The following TMEM132D variants were observed in gnomAD, a reference collection of about 807,000 sequenced individuals.
The protein encoded by TMEM132D is mature OL transmembrane protein.
Under a neutral mutation model 62.3 loss-of-function variants are expected in TMEM132D, and 21 were observed. That is an observed-to-expected ratio of 0.34 (90% CI 0.24 to 0.49). TMEM132D has a LOEUF of 0.49. TMEM132D is among the 20% of genes least tolerant of loss of function. The pLI is 0.99. For missense variants in TMEM132D, 1,346 were observed against 1,402.8 expected (o/e 0.96, Z 0.65); for synonymous variants, 621 against 575.6 (o/e 1.08, Z -1.13).
In TMEM132D at chr12:129,700,370, G is replaced by A. The variant is rs750154716; in HGVS notation, c.408C>T (p.Asp136=). 1.9e-6 allele frequency: 3 copies of A among 1,614,074 alleles called. No individual in the cohort carries two copies. Among genetic ancestry groups the A allele is most frequent in the Non-Finnish European group, 2.5e-6 (3 of 1,180,050 alleles). The change falls in exon 2 of 9, where the codon GAC becomes GAT. Residue 136 remains aspartate, a synonymous_variant. Coordinates refer to ENST00000422113, the MANE Select transcript of TMEM132D (RefSeq NM_133448.3). ...NWKLKAHILR[D]KVYLSRPKVQ... ...CTTTGGGCCGGCTCAGGTAGACTTT[G>A]TCCCGCAGGATGTGGGCTTTTAGTT... is the stretch of plus-strand genomic sequence containing the variant.
chr12:129,424,577 G>T (rs946158868), intron 3 of TMEM132D, among the ~76,000 whole-genome samples: 28 of 151,766 alleles, frequency 1.8e-4, no homozygotes, highest in Non-Finnish European at 1.2e-4. Context: ...GCGTGGTGGT[G>T]GGCACCTGTA....
At chr12:129,769,557 G>C (rs891081214) in intron 1 of TMEM132D, among the ~76,000 whole-genome samples, 1 of 152,122 alleles carries the variant, frequency 6.6e-6, no homozygotes, top group Admixed American at 6.6e-5. Context: ...ATGTCAGAAG[G>C]TCAGGCTTTC....
intron 8 of TMEM132D, 72 bp downstream of exon 8, chr12:129,078,462 T>G: frequency 6.7e-7 from 1 of 1,493,448 alleles, no homozygotes; most frequent in Non-Finnish European, 9.1e-7. Flanking sequence ...CCGCCTGGCG[T>G]GGTGCCTGCC....
chr12:129,751,939 T>A (rs1054575351), intron 1 of TMEM132D, among the ~76,000 whole-genome samples: 3 of 152,208 alleles, frequency 2.0e-5, no homozygotes, highest in African/African-American at 7.2e-5. Context: ...TAATTAAAAC[T>A]AATCTCATCA....
At chr12:129,833,929 G>A (rs947014345) in intron 1 of TMEM132D, among the ~76,000 whole-genome samples, 3 of 152,074 alleles carry the variant, frequency 2.0e-5, no homozygotes, top group African/African-American at 7.2e-5. Context: ...TGTCGCATAT[G>A]AGCAGTACCC....
intron 4 of TMEM132D, among the ~76,000 whole-genome samples, chr12:129,292,020 C>T (rs1056632723): frequency 1.1e-4 from 16 of 152,078 alleles, no homozygotes; most frequent in African/African-American, 2.4e-4. Context: ...CCACAGCCCC[C>T]ACCACCATGG....
chr12:129,878,820 T>C (rs1874509926), intron 1 of TMEM132D, among the ~76,000 whole-genome samples: 1 of 152,124 alleles, frequency 6.6e-6, no homozygotes, highest in Non-Finnish European at 1.5e-5. Flanking sequence ...CCACCTGCCT[T>C]GGCCTCCCAA....
At chr12:129,204,879 T>C (rs2135563241) in intron 5 of TMEM132D, among the ~76,000 whole-genome samples, 1 of 152,240 alleles carries the variant, frequency 6.6e-6, no homozygotes, top group Admixed American at 6.5e-5. Context: ...TATTCAACAT[T>C]CATAAAGAAA....
At chr12:129,865,560 G>A (rs934999903) in intron 1 of TMEM132D, among the ~76,000 whole-genome samples, 39 of 152,190 alleles carry the variant, frequency 2.6e-4, no homozygotes, top group African/African-American at 8.9e-4. Flanking sequence ...GCAATGAGCA[G>A]GCATGGAGGG....
intron 3 of TMEM132D, among the ~76,000 whole-genome samples, chr12:129,398,102 A>G (rs1241204121): frequency 2.0e-5 from 3 of 152,224 alleles, no homozygotes; most frequent in Non-Finnish European, 4.4e-5. Flanking sequence ...AGGACAGGAG[A>G]CACGTTTGTG....
intron 1 of TMEM132D, among the ~76,000 whole-genome samples, chr12:129,770,269 G>C (rs11060546): frequency 0.012 from 1,803 of 147,770 alleles, 38 homozygotes; most frequent in African/African-American, 0.043. Flanking sequence ...TCAGCCTCCC[G>C]AGTAGCTGGG....
chr12:129,307,584 T>C (rs557532050), intron 4 of TMEM132D, among the ~76,000 whole-genome samples: 2 of 152,196 alleles, frequency 1.3e-5, no homozygotes, highest in African/African-American at 4.8e-5. Flanking sequence ...ACACAGGTCC[T>C]CCATACAGCT....
intron 3 of TMEM132D, among the ~76,000 whole-genome samples, chr12:129,485,272 T>G (rs1473972903): frequency 1.3e-5 from 2 of 152,178 alleles, no homozygotes. Context: ...GGGATATTTA[T>G]CCACCATCTC....
intron 4 of TMEM132D, among the ~76,000 whole-genome samples, chr12:129,250,291 A>G (rs1039605198): frequency 2.6e-5 from 4 of 152,240 alleles, no homozygotes; most frequent in Admixed American, 6.5e-5. Flanking sequence ...CAATGTATGT[A>G]TCACAATTTT....
At chr12:129,473,844 T>C (rs1463328106) in intron 3 of TMEM132D, among the ~76,000 whole-genome samples, 1 of 152,226 alleles carries the variant, frequency 6.6e-6, no homozygotes, top group Non-Finnish European at 1.5e-5. Context: ...TTTATTCACA[T>C]GCCTAGCAAA....
intron 3 of TMEM132D, among the ~76,000 whole-genome samples, chr12:129,525,734 C>A (rs766111618): frequency 3.9e-5 from 6 of 152,110 alleles, no homozygotes; most frequent in African/African-American, 1.4e-4. Context: ...GACATCACTG[C>A]GACGCACAGC....
Position 129,295,180 on chromosome 12 carries a change from A to G in TMEM132D, c.1299+42454T>C, listed in dbSNP as rs142143386. Among the ~76,000 whole-genome samples, 712 of 152,286 alleles carry G rather than the reference A, an allele frequency of 4.7e-3. 1 individual carries two copies. The highest frequency in any genetic ancestry group is 0.016 in the African/African-American group (684 of 41,554). The stretch of plus-strand genomic sequence containing the variant: ...ACACTGATTCTTTGTAGTTCCACAG[A>G]AGACGACCACTACGGAACACTGCTG... On this transcript the variant is annotated intron_variant, in intron 4 of 8. Coordinates refer to ENST00000422113, the MANE Select transcript of TMEM132D (RefSeq NM_133448.3).
chr12:129,839,518 C>A (rs181144532), intron 1 of TMEM132D, among the ~76,000 whole-genome samples: 2 of 152,116 alleles, frequency 1.3e-5, no homozygotes, highest in Non-Finnish European at 2.9e-5. Flanking sequence ...CTGCCTCAGC[C>A]TCCCAAAGTG....
chr12:129,212,622 G>A, intron 4 of TMEM132D: 1 of 152,314 alleles, frequency 6.6e-6, no homozygotes, highest in Non-Finnish European at 1.5e-5. Context: ...TCACAGCACT[G>A]CAGAGCCTAG....
Sources: allele counts gnomAD v4.1 joint callset (sites outside exome capture counted in the v4.1 genomes callset), GRCh38; gene constraint gnomAD v4.1.1; transcripts MANE v1.5; gene names NCBI Gene and HGNC (gene_info 2026-07-23, HGNC 2026-07-21).